The following WNK2 variants were observed in gnomAD, a reference collection of about 807,000 sequenced individuals.
WNK2 encodes the protein WNK lysine deficient protein kinase 2.
A neutral mutation model predicts 192.1 loss-of-function variants in WNK2; 67 were observed. The observed-to-expected ratio is 0.35, with a 90% CI of 0.29 to 0.43. The LOEUF (loss-of-function observed/expected upper bound fraction) is 0.43, where lower values mean the gene tolerates loss of function less well. Among genes scored for constraint, WNK2 ranks in the 20% least tolerant of loss-of-function variants. The pLI, the probability that WNK2 is intolerant of heterozygous loss-of-function variation, is 1.00. For synonymous variants in WNK2, 1,439 were observed against 1,393.9 expected, an observed-to-expected ratio of 1.03 and a Z score of -0.72; for missense variants, 2,698 against 3,089.7, an observed-to-expected ratio of 0.87 and a Z score of 3.01.
Position 93,263,985 on chromosome 9 carries a change from C to T in WNK2, c.3648C>T (p.Phe1216=). The T allele has an allele frequency of 1.9e-6, 3 of 1,613,574 alleles. No individual in the cohort carries two copies. In the South Asian group the frequency reaches 3.3e-5, roughly 18 times the overall value. ...CGCACAACCACAAGATGGTGACCTTCAAGTTCGACTTGGACGGGGACGCAC... is the reference window on the plus strand; with the variant it reads ...CGCACAACCACAAGATGGTGACCTTTAAGTTCGACTTGGACGGGGACGCAC... The part of the protein sequence containing the change: ...LETHNHKMVT[F]KFDLDGDAPD... The change falls in exon 16 of 30, where the codon TTC becomes TTT. Residue 1216 remains phenylalanine (F), a synonymous_variant. Transcript: ENST00000427277.
chr9:93,319,094 C>T (rs1487896986), intron 29 of WNK2: 1 of 1,613,896 alleles, frequency 6.2e-7, no homozygotes, highest in Admixed American at 1.7e-5. Flanking sequence ...GTGGGGGCTG[C>T]CCTCACCTGT....
In WNK2 at chr9:93,262,663, A is replaced by G. The variant is rs1254965939; in HGVS notation, c.3361-7A>G. The G allele has an allele frequency of 1.9e-5, 30 of 1,612,658 alleles. No individual in the cohort carries two copies. Among genetic ancestry groups the G allele is most frequent in the Non-Finnish European group, 2.5e-5 (29 of 1,179,874 alleles). ...CCTGTTCTCTTTTCTCCGGGTGTTT[A>G]TTTCAGGAGCAGGCCTCACAGGACA... is the stretch of plus-strand genomic sequence containing the variant. On this transcript the variant is annotated splice_region_variant and splice_polypyrimidine_tract_variant and intron_variant, in intron 13 of 29. Transcript: ENST00000427277.
intron 19 of WNK2, among the ~76,000 whole-genome samples, chr9:93,274,982 A>C (rs1457189578): frequency 6.6e-6 from 1 of 152,244 alleles, no homozygotes; most frequent in Non-Finnish European, 1.5e-5. Flanking sequence ...CAAAAAAGAG[A>C]ATGATAGACC....
At chr9:93,202,325 CGTGTGTGTGTGTGTGTGT>C (rs761769543) in intron 2 of WNK2, among the ~76,000 whole-genome samples, 2 of 130,564 alleles carry the variant, frequency 1.5e-5, no homozygotes, top group African/African-American at 2.7e-5. Context: ...TCCGTGTGCA[CGTGTGTGTGTGTGTGTGT>C]GTGTGTGTGT....
intron 23 of WNK2, among the ~76,000 whole-genome samples, chr9:93,297,113 C>T (rs1328975489): frequency 1.4e-5 from 2 of 142,792 alleles, no homozygotes; most frequent in Non-Finnish European, 3.1e-5. Flanking sequence ...CTCCCCTTGG[C>T]GTCCTCCCCT....
rs201476852 is a variant in WNK2, at chr9:93,318,385, C to T, written c.6628+754C>T. On this transcript the variant is annotated intron_variant, in intron 29 of 29. Coordinates refer to ENST00000427277, the MANE Select transcript of WNK2 (RefSeq NM_006648.4). ...CCCTGCTTTGTCCTCAGTAGAGTGC[C>T]GGTTCCCTGGGCTCATCCAGGGGCT... 78 of 1,613,818 alleles carry T rather than the reference C, an allele frequency of 4.8e-5. No homozygotes were observed. In the African/African-American group the frequency reaches 7.2e-4, roughly 15 times the overall value.
intron 2 of WNK2, among the ~76,000 whole-genome samples, chr9:93,206,073 AT>A (rs1215964082): frequency 2.6e-5 from 4 of 152,146 alleles, no homozygotes; most frequent in African/African-American, 9.7e-5. Flanking sequence ...CCCACGGCCC[AT>A]TTTATAGATG....
Position 93,317,590 on chromosome 9 carries a change from T to C in WNK2, c.6587T>C (p.Val2196Ala), listed in dbSNP as rs556589011. Residue 2196 changes from valine (V) to alanine (A), a missense_variant, in exon 29 of 30, where the codon GTC becomes GCC. By Grantham distance (64) the Val-to-Ala change is moderately conservative (BLOSUM62 0). This residue lies in a region of WNK2 where 167 missense variants were observed against 184.2 expected (regional missense o/e 0.91). Transcript: ENST00000427277. ...GCGCCCGGCCCTCTGTCCACCACGG[T>C]CATTCCCGGAGCCGCCCCGACCCTG... Reference protein sequence around the residue: ...PPAPGPLSTTVIPGAAPTLSV... With the variant: ...PPAPGPLSTTAIPGAAPTLSV... 4.0e-5 allele frequency: 65 copies of C among 1,613,254 alleles called. 1 individual carries two copies. The South Asian group carries it at 6.7e-4, about 17-fold the overall frequency.
chr9:93,292,615 AC>A lies in WNK2; in HGVS notation c.5155del (p.Gln1719ArgfsTer47). 1.3e-6 allele frequency: 2 copies of A among 1,577,442 alleles called. No individual in the cohort carries two copies. ...DMGTVGGQAS[H>X]PQTLGARALG... is the part of the protein sequence containing the mutation. ...GGCACAGTGGGGGGCCAGGCTAGCC[AC>A]CCCCAGACACTCGGCGCTCGAGCTT... On this transcript the variant is annotated frameshift_variant, in exon 23 of 30. Transcript: ENST00000427277. LOFTEE classifies it high-confidence loss of function.
At chr9:93,295,115 C>T (rs1266436266) in intron 23 of WNK2, among the ~76,000 whole-genome samples, 6 of 152,184 alleles carry the variant, frequency 3.9e-5, no homozygotes, top group South Asian at 4.1e-4. Context: ...TGTCCCAGGC[C>T]GCGGGGCTCT....
chr9:93,187,665 C>T (rs1829580929), intron 2 of WNK2, among the ~76,000 whole-genome samples: 1 of 152,104 alleles, frequency 6.6e-6, no homozygotes. Context: ...CCCAAGGTCA[C>T]CAGTGAGGAG....
chr9:93,239,490 T>G lies in WNK2; in HGVS notation c.1323-267T>G, dbSNP rs1454225407. On this transcript the variant is annotated intron_variant, in intron 6 of 29. Transcript: ENST00000427277. This position sits in a 1 kb window ranked among gnomAD's most constrained non-coding sequence, Gnocchi z 4.2. Reference sequence around the variant, plus strand: ...ATGGGAGGCCTAATGTTTTTCCAAATCCTCTTTTGTATCATTGAATCTTTT... The same window carrying G: ...ATGGGAGGCCTAATGTTTTTCCAAAGCCTCTTTTGTATCATTGAATCTTTT... Among the ~76,000 whole-genome samples the G allele has an allele frequency of 6.6e-6, 1 of 152,058 alleles. No individual in the cohort carries two copies. The highest frequency in any genetic ancestry group is 1.5e-5 in the Non-Finnish European group (1 of 68,004).
At chr9:93,224,779 A>AGG (rs1254924733) in intron 2 of WNK2, among the ~76,000 whole-genome samples, 1 of 152,038 alleles carries the variant, frequency 6.6e-6, no homozygotes, top group East Asian at 1.9e-4. Context: ...TCTGGGAGGG[A>AGG]GGGGCATCAC....
At position 93,229,966 on chromosome 9, in the gene WNK2, T is replaced by C; in HGVS notation, c.854+98T>C. 6.9e-7 allele frequency: 1 copy of C among 1,445,454 alleles called. No individual in the cohort carries two copies. Among genetic ancestry groups the C allele is most frequent in the Non-Finnish European group, 9.3e-7 (1 of 1,080,374 alleles). The allele number at this position is 1,445,454 out of a possible 1,614,324, so 89.5% of individuals were successfully genotyped here. On this transcript the variant is annotated intron_variant, in intron 3 of 29. Transcript: ENST00000427277. The surrounding 1 kb of genome is among the most constrained non-coding windows in gnomAD (Gnocchi z 4.9). The stretch of plus-strand genomic sequence containing the variant: ...CTTGGGCTGCTGGGGTGGTCCTGGC[T>C]GGTGCCTGTGGGAGGCTGTCTCCTC...
chr9:93,250,360 C>A (rs1439384358), intron 8 of WNK2, among the ~76,000 whole-genome samples: 1 of 152,242 alleles, frequency 6.6e-6, no homozygotes, highest in African/African-American at 2.4e-5. Flanking sequence ...TGCACACATA[C>A]ATGCACACAT....
intron 19 of WNK2, among the ~76,000 whole-genome samples, chr9:93,275,048 T>G (rs1388851704): frequency 1.7e-5 from 1 of 59,734 alleles, no homozygotes; most frequent in Non-Finnish European, 3.9e-5. Flanking sequence ...CAAGTCAAAT[T>G]CAGCACTATA....
At position 93,307,969 on chromosome 9, in the gene WNK2, C is replaced by G. The variant is rs1003508159; in HGVS notation, c.6260-359C>G. The G allele has an allele frequency of 2.8e-5, 8 of 289,172 alleles. No homozygotes were observed. The Admixed American group carries it at 2.9e-4, about 10-fold the overall frequency. The allele number at this position is 289,172 out of a possible 1,614,324, so 17.9% of individuals were successfully genotyped here. The stretch of plus-strand genomic sequence containing the variant: ...ACTCTAGGCACCATGACTCCGAAGC[C>G]CAGTGTGTCTGGCTGTGCCAGGAGT... On this transcript the variant is annotated intron_variant, in intron 27 of 29. Transcript: ENST00000427277.
chr9:93,211,676 C>G (rs1200927554), intron 2 of WNK2, among the ~76,000 whole-genome samples: 2 of 150,966 alleles, frequency 1.3e-5, no homozygotes, highest in Non-Finnish European at 3.0e-5. Flanking sequence ...TCATTCACTC[C>G]TATTCACTCA....
rs768824137 is a variant in WNK2, at chr9:93,320,349, C to T, written c.6629-18C>T. 34 of 1,367,468 alleles carry T rather than the reference C, an allele frequency of 2.5e-5. No homozygotes were observed. Among genetic ancestry groups the T allele is most frequent in the South Asian group, 8.0e-5 (7 of 88,042 alleles). 84.7% of individuals were successfully genotyped at this position (1,367,468 alleles called of 1,614,324 possible). On this transcript the variant is annotated intron_variant, in intron 29 of 29. Transcript: ENST00000427277. ...ACTGCGGTGGGCCCACAGTCAGCTG[C>T]GCGGTTTTGTTTTCCAGATCCTGAG...
Sources: gnomAD v4.1 joint callset for allele counts (sites outside exome capture counted in the v4.1 genomes callset) on GRCh38, gnomAD v4.1.1 for gene constraint, gnomAD v4.1.1 regional missense constraint, Gnocchi (gnomAD v3.1) non-coding constraint, MANE v1.5 for transcripts, NCBI Gene and HGNC (gene_info 2026-07-23, HGNC 2026-07-21) for gene names.